CLUL1: variants seen among roughly 807,000 people sequenced by gnomAD.
The protein encoded by CLUL1 is clusterin-like protein 1.
In CLUL1, 43 loss-of-function variants were observed where a neutral mutation model predicts 49.4. The ratio of observed to expected loss-of-function variants is 0.87; its 90% CI spans 0.68 to 1.12. CLUL1 has a LOEUF of 1.12. Ranked by LOEUF, CLUL1 falls within the 50% of genes most tolerant of loss-of-function variation. The pLI, the probability that CLUL1 is intolerant of heterozygous loss-of-function variation, is 0.00. For missense variants in CLUL1, 486 were observed against 544.4 expected, an observed-to-expected ratio of 0.89 and a Z score of 1.07; for synonymous variants, 192 against 184.9, an observed-to-expected ratio of 1.04 and a Z score of -0.31.
chr18:617,713 C>A (rs1057509408), intron 2 of CLUL1, among the ~76,000 whole-genome samples: 2 of 151,644 alleles, frequency 1.3e-5, no homozygotes, highest in Non-Finnish European at 2.9e-5. Flanking sequence ...AGGATGTGAT[C>A]TATCCTCTCC....
In CLUL1 at chr18:641,472, G is replaced by A. The variant is rs1421865602; in HGVS notation, c.1140G>A (p.Gly380=). 1.2e-6 allele frequency: 2 copies of A among 1,614,080 alleles called. No homozygotes were observed. Among genetic ancestry groups the A allele is most frequent in the African/African-American group, 2.7e-5 (2 of 74,916 alleles). ...DTAYLVEKMR[G]QFGWVSELAN... ...CCTATCTGGTGGAGAAGATGAGAGG[G>A]CAATTTGGCTGGGTGTCTGAACTGG... Residue 380 remains glycine, a synonymous_variant, in exon 8 of 10, where the codon GGG becomes GGA. Transcript: ENST00000692774.
At chr18:640,128 A>G (rs895032336) in intron 7 of CLUL1, among the ~76,000 whole-genome samples, 2 of 152,228 alleles carry the variant, frequency 1.3e-5, no homozygotes, top group Non-Finnish European at 2.9e-5. Context: ...TAGTAAAGCC[A>G]ACAAAGGATC....
rs869103727 is a variant in CLUL1 at position 645,792 on chromosome 18, T to TAAAAA, written c.1397+710_1397+714dup. On this transcript the variant is annotated intron_variant, in intron 9 of 9. Coordinates refer to ENST00000692774, the MANE Select transcript of CLUL1 (RefSeq NM_001393344.1). ...CTGGGCGACAGAGCGAGACTCTGTT[T>TAAAAA]AAAAAAAAAAAAAAAAAAATATATA... is the stretch of plus-strand genomic sequence containing the variant. 4.4e-3 allele frequency among the ~76,000 whole-genome samples: 70 copies of TAAAAA among 16,084 alleles called. 24 individuals carry two copies. Among genetic ancestry groups the TAAAAA allele is most frequent in the East Asian group, 0.016 (4 of 250 alleles). The allele number at this position is 16,084 out of a possible 152,430, so 10.6% of individuals were successfully genotyped here.
intron 4 of CLUL1, among the ~76,000 whole-genome samples, chr18:623,233 A>G (rs1213128148): frequency 6.6e-6 from 1 of 152,084 alleles, no homozygotes. Context: ...GGGTTTTACT[A>G]TGTTGGCCAG....
intron 1 of CLUL1, chr18:598,732 G>A: frequency 2.5e-6 from 1 of 394,324 alleles, no homozygotes; most frequent in Non-Finnish European, 4.5e-6. Context: ...TGAAGAATTT[G>A]AAAACAAAGC....
chr18:619,074 A>G (rs2073398616), intron 3 of CLUL1, 139 bp from the exon 4 acceptor site: 1 of 746,830 alleles, frequency 1.3e-6, no homozygotes, highest in African/African-American at 1.8e-5. Context: ...CTGACAGCTA[A>G]TTCATTATGA....
chr18:619,201 CAT>C lies in CLUL1; in HGVS notation c.107-11_107-10del, dbSNP rs1356306116. Reference sequence around the variant, plus strand: ...TCAGATCTCAAAGAAAAAATTGCCACATGTCTTTTAGGTTTTTCTGAGGTGGG... The same window carrying C: ...TCAGATCTCAAAGAAAAAATTGCCACGTCTTTTAGGTTTTTCTGAGGTGGG... On this transcript the variant is annotated splice_polypyrimidine_tract_variant and intron_variant, in intron 3 of 9. Transcript: ENST00000692774. The C allele has an allele frequency of 5.6e-6, 9 of 1,607,638 alleles. No homozygotes were observed. Among genetic ancestry groups the C allele is most frequent in the Middle Eastern group, 3.3e-4 (2 of 6,020 alleles).
chr18:619,868 C>A (rs2073435800), intron 4 of CLUL1, among the ~76,000 whole-genome samples: 1 of 152,050 alleles, frequency 6.6e-6, no homozygotes, highest in Non-Finnish European at 1.5e-5. Flanking sequence ...TACCACCACG[C>A]CTGGCTAATT....
In CLUL1 at chr18:624,940, G is replaced by C; in HGVS notation, c.331G>C (p.Asp111His). ...AAGGCTATGCCGGGAGTCTTTGGCA[G>C]ATTCCTGGGGTGAATGCAGGTCTTG... is the stretch of plus-strand genomic sequence containing the variant. ...EERLCRESLADSWGECRSCLE... is the reference protein window; with the variant it reads ...EERLCRESLAHSWGECRSCLE... The change falls in exon 5 of 10, where the codon GAT (aspartate) becomes CAT (histidine). Residue 111 changes from aspartate (D) to histidine (H), a missense_variant. Physicochemically the swap from Asp to His is moderately conservative, Grantham distance 81. Coordinates refer to ENST00000692774, the MANE Select transcript of CLUL1 (RefSeq NM_001393344.1). 6.2e-7 allele frequency: 1 copy of C among 1,614,204 alleles called. No individual in the cohort carries two copies. Among genetic ancestry groups the C allele is most frequent in the Non-Finnish European group, 8.5e-7 (1 of 1,180,018 alleles).
intron 4 of CLUL1, among the ~76,000 whole-genome samples, chr18:621,357 C>G (rs966045263): frequency 2.0e-5 from 3 of 152,152 alleles, no homozygotes; most frequent in Non-Finnish European, 4.4e-5. Flanking sequence ...GACAGGCTGA[C>G]CCCAAAGCTG....
At chr18:632,215 G>A (rs1261199079) in intron 6 of CLUL1, among the ~76,000 whole-genome samples, 1 of 151,878 alleles carries the variant, frequency 6.6e-6, no homozygotes, top group African/African-American at 2.4e-5. Flanking sequence ...TTCTCCTAGG[G>A]GAAAAAACTT....
At chr18:602,462 C>T (rs182578903) in intron 1 of CLUL1, among the ~76,000 whole-genome samples, 5 of 152,302 alleles carry the variant, frequency 3.3e-5, no homozygotes, top group Admixed American at 3.3e-4. Context: ...GGCTGTTCCT[C>T]TGCAATTGCA....
intron 2 of CLUL1, among the ~76,000 whole-genome samples, chr18:615,375 C>T (rs1243973143): frequency 6.6e-6 from 1 of 152,194 alleles, no homozygotes; most frequent in African/African-American, 2.4e-5. Context: ...AAATCTGCTA[C>T]TAGGAAGTAA....
Position 624,966 on chromosome 18 carries a change from C to T in CLUL1, c.357C>T (p.Cys119=). Residue 119 remains cysteine (C), a synonymous_variant, in exon 5 of 10, where the codon TGC becomes TGT. Transcript: ENST00000692774. ...LADSWGECRS[C]LENNCMRIYT... Reference sequence around the variant, plus strand: ...ATTCCTGGGGTGAATGCAGGTCTTGCCTGGAAAATAACTGCATGAGAATTT... The same window carrying T: ...ATTCCTGGGGTGAATGCAGGTCTTGTCTGGAAAATAACTGCATGAGAATTT... 1 of 1,614,052 alleles carries T rather than the reference C, an allele frequency of 6.2e-7. No individual in the cohort carries two copies. Among genetic ancestry groups the T allele is most frequent in the Admixed American group, 1.7e-5 (1 of 60,008 alleles).
At chr18:642,194 G>C (rs1283431267) in intron 8 of CLUL1, among the ~76,000 whole-genome samples, 1 of 152,180 alleles carries the variant, frequency 6.6e-6, no homozygotes, top group African/African-American at 2.4e-5. Context: ...ACTTTGGGAG[G>C]CTGAGGTGGG....
Position 619,367 on chromosome 18 carries a change from G to C in CLUL1, c.255+6G>C. ...AATGCAGAGAAGAAAAGCAGGTACA[G>C]TCATTGAAAATAATGTCTGTTCTTA... On this transcript the variant is annotated splice_donor_region_variant and intron_variant, in intron 4 of 9. Transcript: ENST00000692774. 1 of 1,608,944 alleles carries C rather than the reference G, an allele frequency of 6.2e-7. No homozygotes were observed.
chr18:619,305 G>A lies in CLUL1; in HGVS notation c.199G>A (p.Glu67Lys). 2 of 1,614,054 alleles carry A rather than the reference G, an allele frequency of 1.2e-6. No individual in the cohort carries two copies. Among genetic ancestry groups the A allele is most frequent in the Non-Finnish European group, 1.7e-6 (2 of 1,179,968 alleles). The change falls in exon 4 of 10, where the codon GAG (glutamate) becomes AAG (lysine). Residue 67 changes from glutamate (E) to lysine (K), a missense_variant. By Grantham distance (56) the Glu-to-Lys change is moderately conservative (BLOSUM62 1). Transcript: ENST00000692774. The stretch of plus-strand genomic sequence containing the variant: ...AATGAAAATCATGATGGAAAGAAAA[G>A]AGAAGGAACACACCAATCTAATGAG... ...KQMKIMMERK[E>K]KEHTNLMSTL...
Position 627,396 on chromosome 18 carries a change from T to A in CLUL1, c.723T>A (p.Asp241Glu), listed in dbSNP as rs765007782. ...CTAAAGAGCCGATGACAAAAGCAGA[T>A]CTTGAGCAATGTTGGGACATTCCCA... ...AFSKEPMTKA[D>E]LEQCWDIPNF... The change falls in exon 6 of 10, where the codon GAT becomes GAA. Residue 241 changes from aspartate to glutamate, a missense_variant. Transcript: ENST00000692774. The A allele has an allele frequency of 1.9e-6, 3 of 1,614,190 alleles. 1 individual carries two copies. The South Asian group carries it at 3.3e-5, about 18-fold the overall frequency.
At chr18:613,096 G>A in intron 2 of CLUL1, 1 of 374,884 alleles carries the variant, frequency 2.7e-6, no homozygotes, top group East Asian at 4.0e-5. Context: ...TAGATTCAAT[G>A]CCTACTTTTG....
Sources: gnomAD v4.1 joint callset for allele counts (sites outside exome capture counted in the v4.1 genomes callset) on GRCh38, gnomAD v4.1.1 for gene constraint, MANE v1.5 for transcripts, NCBI Gene and HGNC (gene_info 2026-07-23, HGNC 2026-07-21) for gene names.